Variants in SDCCAG8 observed in about 807,000 individuals in gnomAD.
SDCCAG8 encodes SHH signaling and ciliogenesis regulator SDCCAG8.
Under a neutral mutation model 101.8 loss-of-function variants are expected in SDCCAG8, and 74 were observed. The observed-to-expected ratio is 0.73, with a 90% CI of 0.60 to 0.88. The LOEUF (loss-of-function observed/expected upper bound fraction) is 0.88, where lower values mean the gene tolerates loss of function less well. Ranked by LOEUF, SDCCAG8 falls within the 40% of genes least tolerant of loss-of-function variation. The pLI is 0.00. For missense variants in SDCCAG8, 787 were observed against 822.6 expected (o/e 0.96, Z 0.53); for synonymous variants, 281 against 292.9 (o/e 0.96, Z 0.41).
chr1:243,477,147 A>G (rs1662612565), intron 16 of SDCCAG8, among the ~76,000 whole-genome samples: 1 of 152,202 alleles, frequency 6.6e-6, no homozygotes, highest in South Asian at 2.1e-4. Flanking sequence ...ACTTTTTATA[A>G]GTTTGACATT....
rs1428467732 is a variant in SDCCAG8, at chr1:243,358,085, T to C, written c.1473+13754T>C. Among the ~76,000 whole-genome samples the C allele has an allele frequency of 3.3e-5, 5 of 151,920 alleles. No homozygotes were observed. The East Asian group carries it at 7.7e-4, about 23-fold the overall frequency. On this transcript the variant is annotated intron_variant, in intron 12 of 17. Transcript: ENST00000366541. ...AGCACAAAGAACAATAGAAAAAAAA[T>C]AGATAAATTGAATGTCATCAAAATT...
chr1:243,377,661 T>C (rs917280803), intron 12 of SDCCAG8, among the ~76,000 whole-genome samples: 2 of 152,022 alleles, frequency 1.3e-5, no homozygotes, highest in African/African-American at 4.8e-5. Context: ...AGTTGGAGAT[T>C]GTTCAGAATA....
chr1:243,294,501 A>AAGAGAGAGAGAGAGAGAGAGAGAGAG (rs2070627731), intron 6 of SDCCAG8, among the ~76,000 whole-genome samples: 5 of 26,698 alleles, frequency 1.9e-4, no homozygotes, highest in African/African-American at 6.2e-4. Context: ...GAGAGAGAGA[A>AAGAGAGAGAGAGAGAGAGAGAGAGAG]AGAGCGAGAG....
chr1:243,302,640 A>G (rs2071637079), intron 6 of SDCCAG8, among the ~76,000 whole-genome samples: 1 of 152,210 alleles, frequency 6.6e-6, no homozygotes, highest in Admixed American at 6.5e-5. Flanking sequence ...CCAGTAAGAG[A>G]CTGCCTTTTA....
chr1:243,368,604 T>A (rs2147874508), intron 12 of SDCCAG8, among the ~76,000 whole-genome samples: 1 of 152,290 alleles, frequency 6.6e-6, no homozygotes, highest in African/African-American at 2.4e-5. Context: ...ATAGTTCATT[T>A]AGGTGGGTTT....
At chr1:243,256,284 G>C in intron 1 of SDCCAG8, 44 bp downstream of exon 1, 2 of 1,546,896 alleles carry the variant, frequency 1.3e-6, no homozygotes, top group Non-Finnish European at 1.8e-6. Context: ...AGGTGCCCAG[G>C]GCCTAGTGGG....
intron 17 of SDCCAG8, among the ~76,000 whole-genome samples, chr1:243,497,337 T>TGGGG (rs373624566): frequency 5.6e-5 from 2 of 35,432 alleles, no homozygotes; most frequent in Non-Finnish European, 1.3e-4. Flanking sequence ...TAGGCACGGG[T>TGGGG]GGGGGGGGGG....
intron 16 of SDCCAG8, among the ~76,000 whole-genome samples, chr1:243,478,956 C>CAAAAAACAAAAA (rs1662957475): frequency 1.1e-5 from 1 of 94,726 alleles, no homozygotes; most frequent in Non-Finnish European, 2.0e-5. Flanking sequence ...GACTCTGTCT[C>CAAAAAACAAAAA]AAAAAAAAAA....
chr1:243,492,759 C>T (rs1666879409), intron 17 of SDCCAG8, among the ~76,000 whole-genome samples: 3 of 151,754 alleles, frequency 2.0e-5, no homozygotes, highest in Admixed American at 2.0e-4. Context: ...AGGTGCCTGC[C>T]ACCACGCCTG....
intron 1 of SDCCAG8, among the ~76,000 whole-genome samples, chr1:243,258,968 G>A (rs911435389): frequency 8.4e-5 from 12 of 142,700 alleles, no homozygotes; most frequent in African/African-American, 2.9e-4. Context: ...TTTCCTCACC[G>A]GTTTTTCCTC....
At chr1:243,405,383 A>G (rs745527495) in intron 13 of SDCCAG8, among the ~76,000 whole-genome samples, 2 of 152,214 alleles carry the variant, frequency 1.3e-5, no homozygotes, top group Non-Finnish European at 2.9e-5. Flanking sequence ...CAAACCAACC[A>G]ATAAAGAATT....
chr1:243,466,347 T>C (rs1345087698), intron 16 of SDCCAG8, among the ~76,000 whole-genome samples: 2 of 152,236 alleles, frequency 1.3e-5, no homozygotes, highest in African/African-American at 4.8e-5. Flanking sequence ...CAGATTCCCA[T>C]GGCTGGTAGG....
chr1:243,395,032 C>T (rs1408577072), intron 13 of SDCCAG8, among the ~76,000 whole-genome samples: 1 of 152,056 alleles, frequency 6.6e-6, no homozygotes, highest in Admixed American at 6.6e-5. Flanking sequence ...TTTCGTTTCC[C>T]GTTTCTTTTT....
intron 16 of SDCCAG8, among the ~76,000 whole-genome samples, chr1:243,473,774 AAG>A (rs1206920995): frequency 1.3e-5 from 2 of 152,132 alleles, no homozygotes; most frequent in East Asian, 1.9e-4. Flanking sequence ...TAACTTTGTA[AAG>A]AGAGGAAGGG....
intron 13 of SDCCAG8, among the ~76,000 whole-genome samples, chr1:243,391,523 C>G (rs945714260): frequency 2.0e-5 from 3 of 152,222 alleles, no homozygotes; most frequent in African/African-American, 7.2e-5. Flanking sequence ...CTCTCCCCAG[C>G]AGGCAGGGTC....
chr1:243,423,154 T>C (rs1255411560), intron 15 of SDCCAG8, among the ~76,000 whole-genome samples: 1 of 151,978 alleles, frequency 6.6e-6, no homozygotes, highest in Non-Finnish European at 1.5e-5. Context: ...AAAACAAAAA[T>C]GTGAAGCAGA....
Position 243,454,976 on chromosome 1 carries a change from G to A in SDCCAG8, c.1985+28418G>A, listed in dbSNP as rs899988187. Among the ~76,000 whole-genome samples, 6 of 152,000 alleles carry A rather than the reference G, an allele frequency of 3.9e-5. No individual in the cohort carries two copies. In the East Asian group the frequency reaches 9.7e-4, roughly 24 times the overall value. ...ACAAAATGAATAGATCCACCATGAC[G>A]TAATTTTCTAACTGTTCATTTGTTT... On this transcript the variant is annotated intron_variant, in intron 16 of 17. Transcript: ENST00000366541.
At chr1:243,456,706 G>A (rs935382879) in intron 16 of SDCCAG8, among the ~76,000 whole-genome samples, 4 of 152,052 alleles carry the variant, frequency 2.6e-5, no homozygotes, top group Non-Finnish European at 2.9e-5. Context: ...AGGGGTAGGG[G>A]ATTATTTTTT....
At chr1:243,283,649 A>G (rs896344107) in intron 4 of SDCCAG8, among the ~76,000 whole-genome samples, 1 of 151,956 alleles carries the variant, frequency 6.6e-6, no homozygotes, top group African/African-American at 2.4e-5. Context: ...CTTTTCATAG[A>G]GTTTTCATCT....
Sources: gnomAD v4.1 joint callset for allele counts (sites outside exome capture counted in the v4.1 genomes callset) on GRCh38, gnomAD v4.1.1 for gene constraint, MANE v1.5 for transcripts, NCBI Gene and HGNC (gene_info 2026-07-23, HGNC 2026-07-21) for gene names.